The following NACC2 variants were observed in gnomAD, a reference collection of about 807,000 sequenced individuals.
The protein encoded by NACC2 is nucleus accumbens-associated protein 2.
Under a neutral mutation model 25.1 loss-of-function variants are expected in NACC2, and 8 were observed. The observed-to-expected ratio is 0.32, with a 90% confidence interval of 0.19 to 0.57. NACC2 has a LOEUF of 0.57. NACC2 is among the 20% of genes least tolerant of loss of function. The pLI is 0.89. For missense variants in NACC2, 644 were observed against 650.2 expected (o/e 0.99, Z 0.10); for synonymous variants, 435 against 294.7 (o/e 1.48, Z -4.88).
intron 1 of NACC2, among the ~76,000 whole-genome samples, 166 bp downstream of exon 1, chr9:136,095,023 G>C (rs910829317): frequency 6.8e-6 from 1 of 146,006 alleles, no homozygotes; most frequent in Non-Finnish European, 1.5e-5. Flanking sequence ...CGCCCGGGCC[G>C]GCGCGGAACT....
intron 1 of NACC2, among the ~76,000 whole-genome samples, chr9:136,074,266 C>T (rs77769653): frequency 2.7e-5 from 4 of 149,026 alleles, no homozygotes; most frequent in African/African-American, 7.4e-5. Context: ...CTGGCTAACA[C>T]GGTGAAACCC....
At chr9:136,068,959 C>A (rs1272770880) in intron 1 of NACC2, among the ~76,000 whole-genome samples, 1 of 149,456 alleles carries the variant, frequency 6.7e-6, no homozygotes, top group African/African-American at 2.5e-5. Flanking sequence ...CTCTTGTTGC[C>A]CAGGCTGGAG....
chr9:136,070,770 GA>G (rs1330898397), intron 1 of NACC2, among the ~76,000 whole-genome samples: 5 of 150,816 alleles, frequency 3.3e-5, no homozygotes, highest in African/African-American at 9.8e-5. Flanking sequence ...AACAGAGGAG[GA>G]AAAAAATCAA....
At chr9:136,090,415 C>T (rs1451892054) in intron 1 of NACC2, among the ~76,000 whole-genome samples, 2 of 152,234 alleles carry the variant, frequency 1.3e-5, no homozygotes, top group African/African-American at 4.8e-5. Flanking sequence ...AAGGTAACTC[C>T]TCCAGAAAAC....
chr9:136,090,427 C>G (rs1487997748), intron 1 of NACC2, among the ~76,000 whole-genome samples: 1 of 152,226 alleles, frequency 6.6e-6, no homozygotes, highest in Non-Finnish European at 1.5e-5. Flanking sequence ...CCAGAAAACA[C>G]CAGCCCACTG....
intron 1 of NACC2, among the ~76,000 whole-genome samples, chr9:136,089,178 C>T (rs146138823): frequency 0.012 from 1,820 of 152,244 alleles, 15 homozygotes; most frequent in Non-Finnish European, 0.018. Context: ...CCACAGGCTA[C>T]CCCCGGGCCC....
Position 136,078,239 on chromosome 9 carries a change from A to AC in NACC2, c.-60+16949dup, listed in dbSNP as rs1446669343. ...CCTGGCAGGGGTCCCCAGGACCCCC[A>AC]CCCCCCGCAACCTTGTGGCCAGCCC... On this transcript the variant is annotated intron_variant, in intron 1 of 5. Coordinates refer to ENST00000277554, the MANE Select transcript of NACC2 (RefSeq NM_144653.5). 2.0e-5 allele frequency among the ~76,000 whole-genome samples: 3 copies of AC among 151,838 alleles called. No homozygotes were observed. The South Asian group carries it at 6.2e-4, about 32-fold the overall frequency.
At chr9:136,065,264 C>T (rs1399118987) in intron 1 of NACC2, among the ~76,000 whole-genome samples, 5 of 152,136 alleles carry the variant, frequency 3.3e-5, no homozygotes, top group South Asian at 2.1e-4. Flanking sequence ...GCAGGAGTAT[C>T]GCTTGAGCCC....
chr9:136,057,303 C>G (rs1446954019), intron 1 of NACC2, among the ~76,000 whole-genome samples: 1 of 152,164 alleles, frequency 6.6e-6, no homozygotes, highest in Non-Finnish European at 1.5e-5. Flanking sequence ...TGGGTAAGGA[C>G]TTGGGGGACA....
Position 136,050,491 on chromosome 9 carries a change from T to C in NACC2, c.31A>G (p.Asn11Asp), listed in dbSNP as rs1334388098. Residue 11 changes from asparagine (N) to aspartate (D), a missense_variant, in exon 2 of 6, where the codon AAC becomes GAC. By Grantham distance (23) the Asn-to-Asp change is conservative. Transcript: ENST00000277554. ...CAGCCCAGCACTGTGTTCCCGAAGT[T>C]GGGGATCTCGATGTGCAGCATCTGA... The part of the protein sequence containing the change: MSQMLHIEIP[N>D]FGNTVLGCLN... The C allele has an allele frequency of 1.3e-6, 1 of 764,332 alleles. No homozygotes were observed. The highest frequency in any genetic ancestry group is 2.4e-6 in the Non-Finnish European group (1 of 417,462). The allele number at this position is 764,332 out of a possible 1,614,324, so 47.3% of individuals were successfully genotyped here.
rs945298708 is a variant in NACC2, at chr9:136,086,280, G to A, written c.-60+8909C>T. ...CCGTGCAGCTGGGGACAGGACGAAG[G>A]GCACATGCCCCCCGAGGCCTCCCAC... is the stretch of plus-strand genomic sequence containing the variant. On this transcript the variant is annotated intron_variant, in intron 1 of 5. Transcript: ENST00000277554. This position sits in a 1 kb window ranked among gnomAD's most constrained non-coding sequence, Gnocchi z 5.6. Among the ~76,000 whole-genome samples the A allele has an allele frequency of 6.6e-6, 1 of 152,210 alleles. No homozygotes were observed. Among genetic ancestry groups the A allele is most frequent in the Admixed American group, 6.5e-5 (1 of 15,290 alleles).
chr9:136,056,841 T>C (rs902754065), intron 1 of NACC2, among the ~76,000 whole-genome samples: 2 of 152,196 alleles, frequency 1.3e-5, no homozygotes, highest in Admixed American at 1.3e-4. Flanking sequence ...GTAACTGCAC[T>C]AAGGAACATC....
chr9:136,039,507 C>A (rs1840598651), intron 2 of NACC2, among the ~76,000 whole-genome samples: 1 of 152,114 alleles, frequency 6.6e-6, no homozygotes, highest in Non-Finnish European at 1.5e-5. Flanking sequence ...GATACCAAAA[C>A]CAGACAAAGA....
At chr9:136,060,795 C>T (rs919277233) in intron 1 of NACC2, among the ~76,000 whole-genome samples, 4 of 152,226 alleles carry the variant, frequency 2.6e-5, no homozygotes, top group African/African-American at 7.2e-5. Context: ...TGCCGGTCTC[C>T]AGGCTTCAGC....
intron 1 of NACC2, among the ~76,000 whole-genome samples, chr9:136,061,725 C>T (rs1051400217): frequency 2.0e-5 from 3 of 152,052 alleles, no homozygotes; most frequent in South Asian, 2.1e-4. Flanking sequence ...CAGGAACCAG[C>T]GAGAAGCCAG....
intron 1 of NACC2, among the ~76,000 whole-genome samples, chr9:136,091,453 TGGGGCCCCA>T (rs1830433103): frequency 6.6e-6 from 1 of 152,116 alleles, no homozygotes; most frequent in Non-Finnish European, 1.5e-5. Context: ...GGGGATGTGG[TGGGGCCCCA>T]GGAGCCCTGG....
chr9:136,035,886 T>C (rs934254860), intron 2 of NACC2, among the ~76,000 whole-genome samples: 4 of 152,256 alleles, frequency 2.6e-5, no homozygotes, highest in Non-Finnish European at 5.9e-5. Flanking sequence ...TTACAACTTT[T>C]CTGCAAGTTG....
chr9:136,027,678 AATGAAAATCTGAC>A (rs1417698764), intron 2 of NACC2, among the ~76,000 whole-genome samples: 2 of 152,236 alleles, frequency 1.3e-5, no homozygotes, highest in East Asian at 3.8e-4. Context: ...TCTGAATGAT[AATGAAAATCTGAC>A]ATGAAAATGT....
At chr9:136,044,909 C>T (rs1840697612) in intron 2 of NACC2, among the ~76,000 whole-genome samples, 2 of 152,178 alleles carry the variant, frequency 1.3e-5, no homozygotes, top group East Asian at 1.9e-4. Context: ...CCTGGGTGTT[C>T]AGCCGGGGGA....
Sources: allele counts gnomAD v4.1 joint callset (sites outside exome capture counted in the v4.1 genomes callset), GRCh38; gene constraint gnomAD v4.1.1; non-coding constraint Gnocchi (gnomAD v3.1); transcripts MANE v1.5; gene names NCBI Gene and HGNC (gene_info 2026-07-23, HGNC 2026-07-21).